Variants in ASAP1 observed in about 807,000 individuals in gnomAD.
The protein encoded by ASAP1 is ArfGAP with SH3 domain, ankyrin repeat and PH domain 1, also known as arf-GAP with SH3 domain, ANK repeat and PH domain-containing protein 1.
ASAP1 carries 43 observed loss-of-function variants against 145.2 expected under a neutral mutation model. That is an observed-to-expected ratio of 0.30 (90% confidence interval 0.23 to 0.38). The LOEUF is 0.38. Among genes scored for constraint, ASAP1 ranks in the 10% least tolerant of loss-of-function variants. The probability of loss-of-function intolerance (pLI) is 1.00; values close to 1 mark genes in which losing one functional copy is unlikely to be tolerated. For synonymous variants in ASAP1, 546 were observed against 515.5 expected, an observed-to-expected ratio of 1.06 and a Z score of -0.80; for missense variants, 1,018 against 1,355.3, an observed-to-expected ratio of 0.75 and a Z score of 3.91.
intron 3 of ASAP1, among the ~76,000 whole-genome samples, chr8:130,322,781 A>G (rs1824088070): frequency 6.6e-6 from 1 of 152,218 alleles, no homozygotes; most frequent in Non-Finnish European, 1.5e-5. Context: ...GGATGCACAT[A>G]CGTATAACTA....
chr8:130,280,953 T>C (rs1177821065), intron 3 of ASAP1, among the ~76,000 whole-genome samples: 2 of 152,164 alleles, frequency 1.3e-5, no homozygotes, highest in African/African-American at 4.8e-5. Context: ...GGTGAGTAAA[T>C]ATGTTTACAG....
intron 23 of ASAP1, among the ~76,000 whole-genome samples, chr8:130,114,351 A>G (rs1242028013): frequency 6.6e-6 from 1 of 152,260 alleles, no homozygotes; most frequent in Non-Finnish European, 1.5e-5. Flanking sequence ...CAACTGTAAC[A>G]CAATGGTAAT....
intron 24 of ASAP1, among the ~76,000 whole-genome samples, chr8:130,107,879 G>A (rs975049534): frequency 6.6e-6 from 1 of 152,194 alleles, no homozygotes; most frequent in Non-Finnish European, 1.5e-5. Flanking sequence ...GCACGGAAAA[G>A]AAGGCTTCTT....
At chr8:130,426,850 C>T (rs1476085577) in intron 1 of ASAP1, among the ~76,000 whole-genome samples, 2 of 152,164 alleles carry the variant, frequency 1.3e-5, no homozygotes, top group Non-Finnish European at 2.9e-5. Flanking sequence ...GACTATTTGT[C>T]GTCTCACACA....
At chr8:130,375,632 A>G (rs1478523818) in intron 2 of ASAP1, among the ~76,000 whole-genome samples, 1 of 152,150 alleles carries the variant, frequency 6.6e-6, no homozygotes, top group Non-Finnish European at 1.5e-5. Flanking sequence ...TAGGCAAGTG[A>G]AGTCCTACCA....
chr8:130,218,461 C>CT, intron 4 of ASAP1, among the ~76,000 whole-genome samples: 1 of 152,314 alleles, frequency 6.6e-6, no homozygotes, highest in South Asian at 2.1e-4. Flanking sequence ...CAATTCCGAT[C>CT]TCCTTCCTTC....
chr8:130,264,376 G>T (rs1820119010), intron 3 of ASAP1, among the ~76,000 whole-genome samples: 1 of 152,136 alleles, frequency 6.6e-6, no homozygotes, highest in African/African-American at 2.4e-5. Flanking sequence ...ACGACTCTCA[G>T]GCCAGCCAAG....
intron 3 of ASAP1, among the ~76,000 whole-genome samples, chr8:130,258,807 G>A (rs1819721200): frequency 2.6e-5 from 4 of 152,176 alleles, no homozygotes; most frequent in Non-Finnish European, 4.4e-5. Context: ...GGTTCTTACA[G>A]TAAATAGATA....
intron 3 of ASAP1, among the ~76,000 whole-genome samples, chr8:130,264,940 C>T (rs1820153534): frequency 6.6e-6 from 1 of 151,926 alleles, no homozygotes; most frequent in Admixed American, 6.6e-5. Flanking sequence ...AGAAAAACAT[C>T]TTAAGAAAGA....
intron 3 of ASAP1, among the ~76,000 whole-genome samples, chr8:130,314,765 T>C (rs974763313): frequency 6.6e-6 from 1 of 152,242 alleles, no homozygotes; most frequent in Non-Finnish European, 1.5e-5. Flanking sequence ...CCACAGATAC[T>C]AAACATTAAA....
In ASAP1 at chr8:130,110,834, T is replaced by C. The variant is rs560798925; in HGVS notation, c.2401+1260A>G. On this transcript the variant is annotated intron_variant, in intron 24 of 29. Transcript: ENST00000518721. Reference sequence around the variant, plus strand: ...AATAAAGCTCACATTTCCCAGAAAATAGCCCTAGTGTGATTCAAATAGGCA... The same window carrying C: ...AATAAAGCTCACATTTCCCAGAAAACAGCCCTAGTGTGATTCAAATAGGCA... 2.0e-4 allele frequency among the ~76,000 whole-genome samples: 30 copies of C among 152,186 alleles called. No individual in the cohort carries two copies. The South Asian group carries it at 5.4e-3, about 27-fold the overall frequency.
intron 11 of ASAP1, chr8:130,160,876 A>C: frequency 9.4e-7 from 1 of 1,066,076 alleles, no homozygotes; most frequent in Non-Finnish European, 1.3e-6. Flanking sequence ...AATGTTATCC[A>C]TAATTTAAGC....
chr8:130,357,333 A>G (rs1190668753), intron 3 of ASAP1, among the ~76,000 whole-genome samples: 5 of 152,068 alleles, frequency 3.3e-5, no homozygotes, highest in Admixed American at 6.5e-5. Flanking sequence ...CTCCTTGTCC[A>G]GCCTCGGAGT....
chr8:130,245,223 T>C (rs974674902), intron 3 of ASAP1, among the ~76,000 whole-genome samples: 1 of 152,108 alleles, frequency 6.6e-6, no homozygotes, highest in Non-Finnish European at 1.5e-5. Context: ...AGCCCCAAAA[T>C]TGAAAGTTGG....
At chr8:130,410,615 C>G (rs1157002067) in intron 1 of ASAP1, among the ~76,000 whole-genome samples, 1 of 152,208 alleles carries the variant, frequency 6.6e-6, no homozygotes, top group Non-Finnish European at 1.5e-5. Context: ...GCTGTGCTGC[C>G]CATTGTGTGA....
chr8:130,220,938 G>A (rs755114603), intron 4 of ASAP1, among the ~76,000 whole-genome samples: 1 of 152,100 alleles, frequency 6.6e-6, no homozygotes, highest in Non-Finnish European at 1.5e-5. Context: ...GAACAGCATG[G>A]GGGAACCACC....
intron 3 of ASAP1, among the ~76,000 whole-genome samples, chr8:130,339,478 C>T (rs543889991): frequency 9.2e-5 from 14 of 152,038 alleles, no homozygotes; most frequent in Admixed American, 1.3e-4. Flanking sequence ...CAAGTAGAGT[C>T]GGAAGTCAGC....
At chr8:130,226,485 C>T (rs893119118) in intron 4 of ASAP1, among the ~76,000 whole-genome samples, 1 of 152,156 alleles carries the variant, frequency 6.6e-6, no homozygotes, top group African/African-American at 2.4e-5. Context: ...GCAGAAAGCC[C>T]TGTGGACATT....
Position 130,112,101 on chromosome 8 carries a change from G to T in ASAP1, c.2394C>A (p.Ala798=). The change falls in exon 24 of 30, where the codon GCC becomes GCA. Residue 798 remains alanine (A), a synonymous_variant. Coordinates refer to ENST00000518721, the MANE Select transcript of ASAP1 (RefSeq NM_018482.4). Reference sequence around the variant, plus strand: ...CCTTCTCAAAGCCCATACCTTTCCCGGCGTTCCTAGGAGGCAGAGGGGGAG... The same window carrying T: ...CCTTCTCAAAGCCCATACCTTTCCCTGCGTTCCTAGGAGGCAGAGGGGGAG... The part of the protein sequence containing the change: ...TEAPPLPPRN[A]GKGPTGPPST... 6.2e-7 allele frequency: 1 copy of T among 1,613,626 alleles called. No homozygotes were observed. The highest frequency in any genetic ancestry group is 1.1e-5 in the South Asian group (1 of 91,036).
Sources: allele counts gnomAD v4.1 joint callset (sites outside exome capture counted in the v4.1 genomes callset), GRCh38; gene constraint gnomAD v4.1.1; transcripts MANE v1.5; gene names NCBI Gene and HGNC (gene_info 2026-07-23, HGNC 2026-07-21).